The following TMEM114 variants were observed in gnomAD, a reference collection of about 807,000 sequenced individuals.
TMEM114 encodes claudin-26.
TMEM114 carries 6 observed loss-of-function variants against 6.2 expected under a neutral mutation model. That is an observed-to-expected ratio of 0.97 (90% CI 0.53 to 1.91). The LOEUF (loss-of-function observed/expected upper bound fraction) is 1.91. TMEM114 is among the 40% of genes most tolerant of loss of function. The pLI, the probability that TMEM114 is intolerant of heterozygous loss-of-function variation, is 0.01. For missense variants in TMEM114, 218 were observed against 158.3 expected (o/e 1.38, Z -2.02); for synonymous variants, 104 against 73.0 (o/e 1.42, Z -2.16).
intron 2 of TMEM114, among the ~76,000 whole-genome samples, chr16:8,579,354 C>G (rs1412409986): frequency 6.6e-6 from 1 of 152,188 alleles, no homozygotes; most frequent in Non-Finnish European, 1.5e-5. Flanking sequence ...AATTTCACCA[C>G]CTTTATTTCC....
intron 2 of TMEM114, among the ~76,000 whole-genome samples, chr16:8,560,399 G>A (rs910479109): frequency 1.3e-5 from 2 of 152,084 alleles, no homozygotes; most frequent in Non-Finnish European, 2.9e-5. Flanking sequence ...CAGTGGCAAG[G>A]GTCAGATGAG....
rs191432280 is a variant in TMEM114 at position 8,555,206 on chromosome 16, T to C, written n.213-17380A>G. Among the ~76,000 whole-genome samples, 27 of 152,330 alleles carry C rather than the reference T, an allele frequency of 1.8e-4. No individual in the cohort carries two copies. The East Asian group carries it at 4.1e-3, about 23-fold the overall frequency. On this transcript the variant is annotated intron_variant and non_coding_transcript_variant, in intron 2 of 2. Coordinates refer to the TMEM114 transcript ENST00000623677. ...GAGCACCTCATACATCCCAAAGGTA[T>C]GCACTACTGATGCAGGGTAAGTTCT...
intron 2 of TMEM114, among the ~76,000 whole-genome samples, chr16:8,554,918 A>G (rs1158874085): frequency 2.0e-5 from 3 of 152,368 alleles, no homozygotes; most frequent in African/African-American, 7.2e-5. Flanking sequence ...AAATGCCTAT[A>G]GAGCCTGTGC....
the TMEM114 span, among the ~76,000 whole-genome samples, chr16:8,531,316 A>G: frequency 1.3e-5 from 2 of 152,242 alleles, no homozygotes; most frequent in African/African-American, 4.8e-5. Context: ...GCAAAATTCA[A>G]TAATTTAGTT....
rs115994969 is a variant in TMEM114 at position 8,557,667 on chromosome 16, A to G, written n.213-19841T>C. Among the ~76,000 whole-genome samples the G allele has an allele frequency of 6.4e-3, 981 of 152,258 alleles. 11 individuals are homozygous for G. Among genetic ancestry groups the G allele is most frequent in the African/African-American group, 0.022 (927 of 41,532 alleles). ...AGCCTTGGTCCCTTTTCCAGAACCA[A>G]CTTACCCAGGGCATGAACTCAGGTA... is the stretch of plus-strand genomic sequence containing the variant. On this transcript the variant is annotated intron_variant and non_coding_transcript_variant, in intron 2 of 2. Coordinates refer to the TMEM114 transcript ENST00000623677.
chr16:8,528,207 C>A, the TMEM114 span, among the ~76,000 whole-genome samples: 1 of 151,732 alleles, frequency 6.6e-6, no homozygotes, highest in Non-Finnish European at 1.5e-5. Flanking sequence ...GAACTAGTTT[C>A]CTGATAGTTT....
chr16:8,534,180 G>T (rs1340523626), downstream of TMEM114, among the ~76,000 whole-genome samples: 3 of 152,146 alleles, frequency 2.0e-5, no homozygotes, highest in Non-Finnish European at 4.4e-5. Context: ...TGCCCAGATG[G>T]GGACAAGGTT....
At chr16:8,560,897 T>TG (rs752449677) in intron 2 of TMEM114, among the ~76,000 whole-genome samples, 6 of 152,170 alleles carry the variant, frequency 3.9e-5, no homozygotes, top group Non-Finnish European at 8.8e-5. Context: ...AGAGATTTAA[T>TG]GGACTCACAG....
chr16:8,589,084 G>T (rs961607772), intron 2 of TMEM114, 129 bp downstream of exon 2: 1 of 394,274 alleles, frequency 2.5e-6, no homozygotes, highest in East Asian at 3.6e-5. Context: ...CCATTCTCAG[G>T]CTGGGCTGTC....
chr16:8,547,399 T>TC (rs927440771), intron 2 of TMEM114, among the ~76,000 whole-genome samples: 3 of 150,806 alleles, frequency 2.0e-5, no homozygotes, highest in Non-Finnish European at 3.0e-5. Context: ...TTTCTTTCTT[T>TC]TTTTTTTTTT....
downstream of TMEM114, among the ~76,000 whole-genome samples, chr16:8,565,954 G>A (rs1199405868): frequency 1.3e-5 from 2 of 152,176 alleles, no homozygotes; most frequent in Non-Finnish European, 2.9e-5. Context: ...GAGAGTCCAA[G>A]TGGAATAAGA....
chr16:8,546,538 C>A (rs543228076), intron 2 of TMEM114, among the ~76,000 whole-genome samples: 2 of 152,136 alleles, frequency 1.3e-5, no homozygotes, highest in Non-Finnish European at 2.9e-5. Flanking sequence ...GTAGAAAGTC[C>A]GGCCACTATC....
intron 2 of TMEM114, among the ~76,000 whole-genome samples, chr16:8,539,129 A>G (rs1187771803): frequency 6.6e-6 from 1 of 152,154 alleles, no homozygotes; most frequent in Admixed American, 6.5e-5. Context: ...TTCGGTCACA[A>G]TCTGGGCATT....
At chr16:8,550,555 G>T (rs1390280950) in intron 2 of TMEM114, among the ~76,000 whole-genome samples, 1 of 151,912 alleles carries the variant, frequency 6.6e-6, no homozygotes, top group African/African-American at 2.4e-5. Flanking sequence ...GTGCATGCCT[G>T]TAATCCCAGC....
intron 2 of TMEM114, among the ~76,000 whole-genome samples, chr16:8,548,109 C>G (rs1019615878): frequency 3.9e-5 from 6 of 152,172 alleles, no homozygotes; most frequent in Admixed American, 3.3e-4. Context: ...TCTGAAAAGC[C>G]TGTTCTTCAA....
At chr16:8,543,195 G>A (rs1402970512) in intron 2 of TMEM114, among the ~76,000 whole-genome samples, 1 of 152,128 alleles carries the variant, frequency 6.6e-6, no homozygotes, top group Non-Finnish European at 1.5e-5. Context: ...AGCAAAGCTG[G>A]GCCCCAATGG....
chr16:8,538,741 C>T (rs59651302), intron 2 of TMEM114, among the ~76,000 whole-genome samples: 1 of 151,862 alleles, frequency 6.6e-6, no homozygotes, highest in Admixed American at 6.6e-5. Flanking sequence ...CTCCTGACCT[C>T]GTGATCCGCC....
chr16:8,547,936 C>G (rs907064144), intron 2 of TMEM114, among the ~76,000 whole-genome samples: 1 of 152,178 alleles, frequency 6.6e-6, no homozygotes, highest in Non-Finnish European at 1.5e-5. Context: ...CTTTTGACCT[C>G]CAACATCTGG....
chr16:8,549,242 A>G (rs9930693), intron 2 of TMEM114, among the ~76,000 whole-genome samples: 63,174 of 147,836 alleles, frequency 0.43, 14,323 homozygotes, highest in African/African-American at 0.57. Flanking sequence ...GCTCACACCT[A>G]TAATCCTAGC....
Sources: allele counts gnomAD v4.1 joint callset (sites outside exome capture counted in the v4.1 genomes callset), GRCh38; gene constraint gnomAD v4.1.1; transcripts MANE v1.5; gene names NCBI Gene and HGNC (gene_info 2026-07-23, HGNC 2026-07-21).